Variants in KAZN observed in about 807,000 individuals in gnomAD.
KAZN encodes kazrin, periplakin interacting protein.
KAZN carries 40 observed loss-of-function variants against 87.4 expected under a neutral mutation model. The ratio of observed to expected loss-of-function variants is 0.46; its 90% CI spans 0.36 to 0.60. The LOEUF (loss-of-function observed/expected upper bound fraction) is 0.60, where lower values mean the gene tolerates loss of function less well. KAZN is among the 20% of genes least tolerant of loss of function. The pLI is 0.00. For missense variants in KAZN, 898 were observed against 1,073.9 expected, an observed-to-expected ratio of 0.84 and a Z score of 2.29; for synonymous variants, 466 against 458.3, an observed-to-expected ratio of 1.02 and a Z score of -0.22.
chr1:14,656,265 G>A (rs555250361), intron 1 of KAZN, among the ~76,000 whole-genome samples: 7 of 152,094 alleles, frequency 4.6e-5, no homozygotes, highest in Non-Finnish European at 7.4e-5. Context: ...TCTCAGAGTC[G>A]GATGACCCAC....
chr1:14,674,368 G>A (rs1031109598), intron 1 of KAZN, among the ~76,000 whole-genome samples: 1 of 152,212 alleles, frequency 6.6e-6, no homozygotes, highest in African/African-American at 2.4e-5. Flanking sequence ...CTCTGTTGAG[G>A]ATTTGATCAG....
intron 1 of KAZN, among the ~76,000 whole-genome samples, chr1:14,681,622 T>C (rs1640597036): frequency 2.1e-4 from 2 of 9,330 alleles, no homozygotes; most frequent in Non-Finnish European, 4.2e-4. Context: ...TGTATATATA[T>C]ATATATATAT....
chr1:14,291,505 A>G (rs1411569582), intron 2 of KAZN, among the ~76,000 whole-genome samples: 2 of 152,210 alleles, frequency 1.3e-5, no homozygotes, highest in African/African-American at 4.8e-5. Flanking sequence ...CATGGGACAT[A>G]ATCTCCTGGT....
intron 1 of KAZN, among the ~76,000 whole-genome samples, chr1:14,048,862 G>A (rs1463611807): frequency 6.6e-6 from 1 of 152,070 alleles, no homozygotes; most frequent in Admixed American, 6.6e-5. Context: ...TTCCATAATG[G>A]TTGAACTAGT....
chr1:14,436,623 C>G (rs1167733488), intron 2 of KAZN, among the ~76,000 whole-genome samples: 2 of 149,582 alleles, frequency 1.3e-5, no homozygotes, highest in East Asian at 4.0e-4. Context: ...GAAGCTGAGG[C>G]AGGAGGATCA....
At chr1:14,446,350 G>A (rs1666984932) in intron 2 of KAZN, among the ~76,000 whole-genome samples, 1 of 152,162 alleles carries the variant, frequency 6.6e-6, no homozygotes, top group Non-Finnish European at 1.5e-5. Flanking sequence ...CCAGGGCCCA[G>A]TACATAGCAA....
chr1:14,983,654 A>G (rs1400904676), intron 2 of KAZN, among the ~76,000 whole-genome samples: 2 of 152,198 alleles, frequency 1.3e-5, no homozygotes, highest in Admixed American at 6.5e-5. Flanking sequence ...TCTAAAGCCT[A>G]AGAGAGGCCG....
chr1:14,174,933 C>T (rs1260593296), intron 1 of KAZN, among the ~76,000 whole-genome samples: 2 of 152,102 alleles, frequency 1.3e-5, no homozygotes, highest in Non-Finnish European at 2.9e-5. Flanking sequence ...CGGTCTAGCT[C>T]GTGTCTGCTC....
intron 2 of KAZN, among the ~76,000 whole-genome samples, chr1:14,183,583 C>T (rs1646243850): frequency 6.6e-6 from 1 of 152,076 alleles, no homozygotes; most frequent in African/African-American, 2.4e-5. Context: ...TGATTAGATT[C>T]GTAACACCGA....
intron 2 of KAZN, among the ~76,000 whole-genome samples, chr1:14,459,312 C>T (rs978590070): frequency 9.2e-5 from 14 of 151,564 alleles, no homozygotes; most frequent in Non-Finnish European, 2.1e-4. Flanking sequence ...TGCACAAGCC[C>T]ATGTGTGTAT....
intron 1 of KAZN, among the ~76,000 whole-genome samples, chr1:14,871,081 C>T (rs962173841): frequency 3.9e-5 from 6 of 152,188 alleles, no homozygotes; most frequent in Non-Finnish European, 5.9e-5. Flanking sequence ...AGTGCTGTTG[C>T]CTGAGCCCAG....
chr1:14,432,587 A>G (rs1666136323), intron 2 of KAZN, among the ~76,000 whole-genome samples: 1 of 151,544 alleles, frequency 6.6e-6, no homozygotes, highest in Non-Finnish European at 1.5e-5. Context: ...AAGTTCCGGG[A>G]TACATGTGCA....
intron 2 of KAZN, among the ~76,000 whole-genome samples, chr1:14,571,414 T>C (rs554310254): frequency 6.6e-6 from 1 of 152,360 alleles, no homozygotes; most frequent in Admixed American, 6.5e-5. Flanking sequence ...CTGAATTCAC[T>C]CTGCAAAAAT....
intron 1 of KAZN, among the ~76,000 whole-genome samples, chr1:14,798,074 A>G (rs113125539): frequency 0.01 from 1,582 of 152,308 alleles, 32 homozygotes; most frequent in African/African-American, 0.036. Flanking sequence ...TGAGTCATGC[A>G]GCTTGTGAGT....
chr1:14,179,592 G>T (rs967170881), intron 1 of KAZN, among the ~76,000 whole-genome samples: 16 of 152,170 alleles, frequency 1.1e-4, no homozygotes, highest in African/African-American at 3.9e-4. Context: ...GCTTTATGGA[G>T]AATGCCTAGA....
intron 2 of KAZN, among the ~76,000 whole-genome samples, chr1:14,530,091 C>G (rs1249921120): frequency 2.0e-5 from 3 of 152,080 alleles, no homozygotes; most frequent in Admixed American, 2.0e-4. Context: ...ATCGCAGGGG[C>G]CAGGGGAAGC....
chr1:14,214,816 A>G (rs1373206318), intron 2 of KAZN, among the ~76,000 whole-genome samples: 3 of 152,310 alleles, frequency 2.0e-5, no homozygotes, highest in East Asian at 1.9e-4. Flanking sequence ...TGTGAGCACA[A>G]TTGCAAGTGC....
Position 14,999,035 on chromosome 1 carries a change from C to G in KAZN, c.419-35714C>G, listed in dbSNP as rs116491623. ...ATTTAAACATTAATTTAAATTTAAA[C>G]ATTATCCAGGTGTGGTAGTGTCCAC... is the stretch of plus-strand genomic sequence containing the variant. On this transcript the variant is annotated intron_variant, in intron 2 of 14. Transcript: ENST00000376030. Among the ~76,000 whole-genome samples, 1,277 of 152,298 alleles carry G rather than the reference C, an allele frequency of 8.4e-3. 9 individuals carry two copies. The highest frequency in any genetic ancestry group is 0.014 in the Non-Finnish European group (972 of 68,024).
At chr1:14,054,279 A>G (rs1351442839) in intron 1 of KAZN, among the ~76,000 whole-genome samples, 1 of 152,192 alleles carries the variant, frequency 6.6e-6, no homozygotes, top group Non-Finnish European at 1.5e-5. Flanking sequence ...TATTCATTTC[A>G]ATTCTGATTA....
Sources: gnomAD v4.1 joint callset for allele counts (sites outside exome capture counted in the v4.1 genomes callset) on GRCh38, gnomAD v4.1.1 for gene constraint, MANE v1.5 for transcripts, NCBI Gene and HGNC (gene_info 2026-07-23, HGNC 2026-07-21) for gene names.